Variants in IL2RA observed in about 807,000 individuals in gnomAD.
IL2RA encodes interleukin 2 receptor subunit alpha.
A neutral mutation model predicts 37.8 loss-of-function variants in IL2RA; 24 were observed. The ratio of observed to expected loss-of-function variants is 0.63; its 90% confidence interval spans 0.46 to 0.89. The LOEUF is 0.89. Ranked by LOEUF, IL2RA falls within the 40% of genes least tolerant of loss-of-function variation. IL2RA has a pLI of 0.00. For missense variants in IL2RA, 319 were observed against 348.6 expected (o/e 0.92, Z 0.68); for synonymous variants, 125 against 114.6 (o/e 1.09, Z -0.58).
At chr10:6,039,787 A>T (rs1292872192) in intron 1 of IL2RA, 1 of 152,262 alleles carries the variant, frequency 6.6e-6, no homozygotes, top group Admixed American at 6.5e-5. Flanking sequence ...ATGTAACCAT[A>T]GGAGCTTCTC....
intron 1 of IL2RA, among the ~76,000 whole-genome samples, chr10:6,042,295 A>G (rs2132882474): frequency 6.6e-6 from 1 of 152,070 alleles, no homozygotes; most frequent in Non-Finnish European, 1.5e-5. Flanking sequence ...TAGATGAAGA[A>G]GAGCATCTAA....
rs114115536 is a variant in IL2RA, at chr10:6,023,053, A to T, written c.367+1191T>A. On this transcript the variant is annotated intron_variant, in intron 3 of 7. Transcript: ENST00000379959. ...CTTTTAAAATAAGTAATCAGCAGAA[A>T]GTTTCCTCATCTAATCTGGGAGACC... Among the ~76,000 whole-genome samples, 204 of 152,360 alleles carry T rather than the reference A, an allele frequency of 1.3e-3. 1 individual carries two copies. The highest frequency in any genetic ancestry group is 4.8e-3 in the African/African-American group (200 of 41,588).
rs562581514 is a variant in IL2RA at position 6,035,470 on chromosome 10, C to G, written c.65-9445G>C. On this transcript the variant is annotated intron_variant, in intron 1 of 7. Transcript: ENST00000379959. The surrounding 1 kb of genome is among the most constrained non-coding windows in gnomAD (Gnocchi z 5.4). ...TCTCTGTTGCACACATGCTTAGTAT[C>G]TGTCTCTCCCTTTGTTCCTGAGTGG... 2.2e-4 allele frequency among the ~76,000 whole-genome samples: 34 copies of G among 152,332 alleles called. No individual in the cohort carries two copies. Among genetic ancestry groups the G allele is most frequent in the Middle Eastern group, 3.4e-3 (1 of 294 alleles).
At chr10:6,051,613 G>A (rs1432959060) in intron 1 of IL2RA, among the ~76,000 whole-genome samples, 1 of 145,602 alleles carries the variant, frequency 6.9e-6, no homozygotes, top group Admixed American at 6.8e-5. Flanking sequence ...TCAGCCTCCA[G>A]GTTCAGGGGA....
chr10:6,060,298 C>T (rs1481473175), intron 1 of IL2RA, among the ~76,000 whole-genome samples: 1 of 152,282 alleles, frequency 6.6e-6, no homozygotes, highest in East Asian at 1.9e-4. Flanking sequence ...AGAGACTACG[C>T]ACTGGGTACA....
chr10:6,026,020 A>G lies in IL2RA; in HGVS notation c.70T>C (p.Cys24Arg). ...GGGATCTCTGGCGGGTCATCGTCAC[A>G]GAGCTCTGCAAAGCAAAAGAAGCCT... ...IMVPGCQAEL[C>R]DDDPPEIPHA... Residue 24 changes from cysteine (C) to arginine (R), a missense_variant, in exon 2 of 8, where the codon TGT becomes CGT. Coordinates refer to ENST00000379959, the MANE Select transcript of IL2RA (RefSeq NM_000417.3). 1 of 1,612,926 alleles carries G rather than the reference A, an allele frequency of 6.2e-7. No homozygotes were observed. The highest frequency in any genetic ancestry group is 8.5e-7 in the Non-Finnish European group (1 of 1,180,024).
At position 6,019,940 on chromosome 10, in the gene IL2RA, A is replaced by G. The variant is rs570897174; in HGVS notation, c.585T>C (p.Gly195=). The G allele has an allele frequency of 2.5e-6, 4 of 1,612,090 alleles. No homozygotes were observed. Among genetic ancestry groups the G allele is most frequent in the East Asian group, 2.2e-5 (1 of 44,858 alleles). ...CGGGGCTTGCCTGAGGCTTCTCTTC[A>G]CCTGGGGGAGAGAGTAAGTGATGCT... ...TGEMETSQFP[G]EEKPQASPEG... The change falls in exon 5 of 8, where the codon GGT becomes GGC. Residue 195 remains glycine (G), a splice_region_variant and synonymous_variant. Coordinates refer to ENST00000379959, the MANE Select transcript of IL2RA (RefSeq NM_000417.3).
intron 1 of IL2RA, among the ~76,000 whole-genome samples, chr10:6,042,161 A>AAAAAAAAAAAAAAC (rs1839783225): frequency 6.8e-6 from 1 of 147,900 alleles, no homozygotes; most frequent in South Asian, 2.1e-4. Context: ...AAAAAAAAAA[A>AAAAAAAAAAAAAAC]AAAAAAATTC....
At chr10:6,061,239 T>A (rs902910598) in intron 1 of IL2RA, among the ~76,000 whole-genome samples, 8 of 151,992 alleles carry the variant, frequency 5.3e-5, no homozygotes, top group African/African-American at 1.9e-4. Context: ...AAAAATAAAT[T>A]AACCAGGTGT....
At position 6,025,733 on chromosome 10, in the gene IL2RA, G is replaced by T; in HGVS notation, c.256+101C>A. 1 of 1,073,828 alleles carries T rather than the reference G, an allele frequency of 9.3e-7. No homozygotes were observed. The highest frequency in any genetic ancestry group is 1.4e-6 in the Non-Finnish European group (1 of 694,898). The allele number at this position is 1,073,828 out of a possible 1,614,324, so 66.5% of individuals were successfully genotyped here. On this transcript the variant is annotated intron_variant, in intron 2 of 7. Transcript: ENST00000379959. The surrounding 1 kb of genome is among the most constrained non-coding windows in gnomAD (Gnocchi z 4.4). Reference sequence around the variant, plus strand: ...AATTAGTTATCCTGTAGACTGGACTGGCCCATTTGTGTCTATAGGGCTGAG... The same window carrying T: ...AATTAGTTATCCTGTAGACTGGACTTGCCCATTTGTGTCTATAGGGCTGAG...
Position 6,054,905 on chromosome 10 carries a change from C to G in IL2RA, c.64+7183G>C, listed in dbSNP as rs1217733349. 6.6e-6 allele frequency among the ~76,000 whole-genome samples: 1 copy of G among 152,118 alleles called. No individual in the cohort carries two copies. The highest frequency in any genetic ancestry group is 1.9e-4 in the East Asian group (1 of 5,194). ...AGAGGCAGAGTCTCACTATGTTGCCCAGGCTGGTTTTGAACTCCTGGGCTC... is the reference window on the plus strand; with the variant it reads ...AGAGGCAGAGTCTCACTATGTTGCCGAGGCTGGTTTTGAACTCCTGGGCTC... On this transcript the variant is annotated intron_variant, in intron 1 of 7. Coordinates refer to ENST00000379959, the MANE Select transcript of IL2RA (RefSeq NM_000417.3). The surrounding 1 kb of genome is among the most constrained non-coding windows in gnomAD (Gnocchi z 4.5).
chr10:6,045,539 C>T (rs1839839204), intron 1 of IL2RA, among the ~76,000 whole-genome samples: 1 of 152,076 alleles, frequency 6.6e-6, no homozygotes, highest in Non-Finnish European at 1.5e-5. Flanking sequence ...AAGAGTTAAC[C>T]ACAAGCTCAC....
In IL2RA at chr10:6,015,523, A is replaced by T. The variant is rs1839261654; in HGVS notation, c.794+2530T>A. Among the ~76,000 whole-genome samples the T allele has an allele frequency of 6.6e-6, 1 of 151,686 alleles. No homozygotes were observed. The highest frequency in any genetic ancestry group is 2.1e-4 in the South Asian group (1 of 4,808). ...CCTAAGCAAGACGACTGCGTCAGAA[A>T]CTCCACAGGTGGGACCCAGCAATCT... is the stretch of plus-strand genomic sequence containing the variant. On this transcript the variant is annotated intron_variant, in intron 7 of 7. Coordinates refer to ENST00000379959, the MANE Select transcript of IL2RA (RefSeq NM_000417.3). The surrounding 1 kb of genome is among the most constrained non-coding windows in gnomAD (Gnocchi z 4.9).
At chr10:6,051,129 C>A (rs1306773954) in intron 1 of IL2RA, among the ~76,000 whole-genome samples, 1 of 150,212 alleles carries the variant, frequency 6.7e-6, no homozygotes, top group African/African-American at 2.5e-5. Flanking sequence ...TACAAAAGTT[C>A]TTTTTGTTCT....
chr10:6,051,510 TA>T (rs369762635), intron 1 of IL2RA, among the ~76,000 whole-genome samples: 43,883 of 134,176 alleles, frequency 0.33, 7,545 homozygotes, highest in Middle Eastern at 0.51. Context: ...TATATATATA[TA>T]TATATATTTT....
At chr10:6,019,396 C>T (rs376909464) in intron 6 of IL2RA, 32 bp downstream of exon 6, 183 of 1,508,412 alleles carry the variant, frequency 1.2e-4, no homozygotes, top group Non-Finnish European at 1.6e-4. Context: ...GCCTGGTGTA[C>T]ATTTTGTCCA....
At chr10:6,039,399 C>G (rs1839736954) in intron 1 of IL2RA, 1 of 152,144 alleles carries the variant, frequency 6.6e-6, no homozygotes, top group Non-Finnish European at 1.5e-5. Context: ...ATTTAGAAAT[C>G]TACTATCATA....
At chr10:6,013,399 C>T (rs968919883) in intron 7 of IL2RA, among the ~76,000 whole-genome samples, 1 of 152,198 alleles carries the variant, frequency 6.6e-6, no homozygotes, top group African/African-American at 2.4e-5. Context: ...TAAGTATCCA[C>T]AGGTGGCTAG....
rs1839660658 is a variant in IL2RA at position 6,035,171 on chromosome 10, C to T, written c.65-9146G>A. 1.3e-5 allele frequency among the ~76,000 whole-genome samples: 2 copies of T among 152,192 alleles called. No individual in the cohort carries two copies. The highest frequency in any genetic ancestry group is 1.3e-4 in the Admixed American group (2 of 15,282). Reference sequence around the variant, plus strand: ...GTCCACCCTGCCCAGCACCTACTCCCACCAGGCAACTGAGTGGTATTTAGT... The same window carrying T: ...GTCCACCCTGCCCAGCACCTACTCCTACCAGGCAACTGAGTGGTATTTAGT... On this transcript the variant is annotated intron_variant, in intron 1 of 7. Transcript: ENST00000379959. This position sits in a 1 kb window ranked among gnomAD's most constrained non-coding sequence, Gnocchi z 5.4.
Sources: allele counts gnomAD v4.1 joint callset (sites outside exome capture counted in the v4.1 genomes callset), GRCh38; gene constraint gnomAD v4.1.1; non-coding constraint Gnocchi (gnomAD v3.1); transcripts MANE v1.5; gene names NCBI Gene and HGNC (gene_info 2026-07-23, HGNC 2026-07-21).